RABGAP1L: variants seen among roughly 807,000 people sequenced by gnomAD.
RABGAP1L encodes rab GTPase-activating protein 1-like.
A neutral mutation model predicts 137.7 loss-of-function variants in RABGAP1L; 63 were observed. The observed-to-expected ratio is 0.46, with a 90% CI of 0.37 to 0.56. The LOEUF is 0.56. Among genes scored for constraint, RABGAP1L ranks in the 20% least tolerant of loss-of-function variants. The probability of loss-of-function intolerance (pLI) is 0.00; values close to 1 mark genes in which losing one functional copy is unlikely to be tolerated. For synonymous variants in RABGAP1L, 431 were observed against 433.7 expected (o/e 0.99, Z 0.08); for missense variants, 1,095 against 1,244.0 (o/e 0.88, Z 1.80).
intron 12 of RABGAP1L, among the ~76,000 whole-genome samples, chr1:174,390,556 A>G (rs1558193798): frequency 6.6e-6 from 1 of 152,216 alleles, no homozygotes; most frequent in Non-Finnish European, 1.5e-5. Flanking sequence ...CGAGTATTTA[A>G]TCAAGCTGCT....
At chr1:174,877,330 C>CA in intron 19 of RABGAP1L, 1 of 1,350,852 alleles carries the variant, frequency 7.4e-7, no homozygotes, top group Non-Finnish European at 1.0e-6. Context: ...ATAGCAGCCG[C>CA]TTTTTTTTTC....
intron 13 of RABGAP1L, among the ~76,000 whole-genome samples, chr1:174,524,870 A>AT (rs1335817893): frequency 6.7e-6 from 1 of 149,020 alleles, no homozygotes; most frequent in African/African-American, 2.5e-5. Context: ...TGGATATCCG[A>AT]TTTTCCCAGC....
chr1:174,768,811 T>A (rs184165273), intron 18 of RABGAP1L, among the ~76,000 whole-genome samples: 1 of 152,320 alleles, frequency 6.6e-6, no homozygotes, highest in African/African-American at 2.4e-5. Flanking sequence ...CCTTAATCTC[T>A]CACTCTGCCT....
intron 1 of RABGAP1L, among the ~76,000 whole-genome samples, chr1:174,192,620 C>T (rs1246001900): frequency 6.6e-6 from 1 of 152,120 alleles, no homozygotes; most frequent in African/African-American, 2.4e-5. Flanking sequence ...CTGCACCCAG[C>T]CTCTGATTTC....
At chr1:174,427,955 A>G (rs756057477) in intron 13 of RABGAP1L, among the ~76,000 whole-genome samples, 4 of 152,196 alleles carry the variant, frequency 2.6e-5, no homozygotes, top group African/African-American at 9.6e-5. Context: ...TGGTTAGTCA[A>G]TGGAATTGCT....
At chr1:174,216,047 A>G (rs1175327136) in intron 1 of RABGAP1L, among the ~76,000 whole-genome samples, 5 of 152,230 alleles carry the variant, frequency 3.3e-5, no homozygotes, top group African/African-American at 9.6e-5. Flanking sequence ...ACAGAAAGAC[A>G]AAGTTCACAC....
chr1:174,648,050 T>C (rs1478757890), intron 14 of RABGAP1L, among the ~76,000 whole-genome samples: 1 of 152,126 alleles, frequency 6.6e-6, no homozygotes, highest in African/African-American at 2.4e-5. Flanking sequence ...AGTGGTGATA[T>C]CCCCTTTATC....
At chr1:174,459,291 G>A (rs56314720) in intron 13 of RABGAP1L, among the ~76,000 whole-genome samples, 1,867 of 152,074 alleles carry the variant, frequency 0.012, 48 homozygotes, top group African/African-American at 0.043. Flanking sequence ...ATAATCCATT[G>A]GGAAGTTTTG....
At chr1:174,956,173 G>T (rs1026670095) in intron 19 of RABGAP1L, among the ~76,000 whole-genome samples, 1 of 152,060 alleles carries the variant, frequency 6.6e-6, no homozygotes, top group African/African-American at 2.4e-5. Flanking sequence ...CTATTTTATA[G>T]ATGAAGAAAC....
intron 11 of RABGAP1L, among the ~76,000 whole-genome samples, chr1:174,319,337 A>G (rs1157838255): frequency 6.6e-6 from 1 of 152,066 alleles, no homozygotes; most frequent in Non-Finnish European, 1.5e-5. Context: ...TCAATGGCTT[A>G]TTTGTGGTAT....
intron 13 of RABGAP1L, among the ~76,000 whole-genome samples, chr1:174,458,671 A>C (rs1656317653): frequency 1.3e-5 from 2 of 152,114 alleles, no homozygotes; most frequent in African/African-American, 4.8e-5. Context: ...ACTCAGGTAA[A>C]GTTCTTTGCA....
intron 13 of RABGAP1L, among the ~76,000 whole-genome samples, chr1:174,538,650 A>G (rs1379804715): frequency 1.3e-5 from 2 of 152,166 alleles, no homozygotes; most frequent in Admixed American, 1.3e-4. Flanking sequence ...ACTGTGCACT[A>G]TAAAATTGTT....
Position 174,328,011 on chromosome 1 carries a change from A to G in RABGAP1L, c.1465+22884A>G, listed in dbSNP as rs187058050. The stretch of plus-strand genomic sequence containing the variant: ...CATATATATATATATATATATATAT[A>G]TATATATATATATACCCAACATCAG... On this transcript the variant is annotated intron_variant, in intron 11 of 25. Transcript: ENST00000681986. Among the ~76,000 whole-genome samples, 294 of 134,720 alleles carry G rather than the reference A, an allele frequency of 2.2e-3. 7 individuals carry two copies. The highest frequency in any genetic ancestry group is 8.1e-3 in the African/African-American group (268 of 33,186). 88.4% of individuals were successfully genotyped at this position (134,720 alleles called of 152,430 possible). A position where few individuals can be genotyped will look rare whatever the true frequency, so the allele number is the denominator to read the frequency against.
rs148388026 is a variant in RABGAP1L at position 174,269,632 on chromosome 1, A to G, written c.987-2782A>G. ...ATCTATTATTATGATAATAATTGATATAATAGCATCATCAGCTCATTCTCA... is the reference window on the plus strand; with the variant it reads ...ATCTATTATTATGATAATAATTGATGTAATAGCATCATCAGCTCATTCTCA... On this transcript the variant is annotated intron_variant, in intron 7 of 25. Coordinates refer to ENST00000681986, the MANE Select transcript of RABGAP1L (RefSeq NM_001366446.1). Among the ~76,000 whole-genome samples, 331 of 152,368 alleles carry G rather than the reference A, an allele frequency of 2.2e-3. 4 individuals are homozygous for G. Among genetic ancestry groups the G allele is most frequent in the African/African-American group, 7.5e-3 (310 of 41,588 alleles).
intron 3 of RABGAP1L, among the ~76,000 whole-genome samples, chr1:174,230,565 A>G (rs972109615): frequency 6.6e-6 from 1 of 152,304 alleles, no homozygotes; most frequent in African/African-American, 2.4e-5. Context: ...GGGAGGATAC[A>G]TATCTTAAAT....
intron 19 of RABGAP1L, chr1:174,893,087 G>A: frequency 2.8e-6 from 1 of 360,824 alleles, no homozygotes; most frequent in Non-Finnish European, 5.7e-6. Flanking sequence ...ATTTTGTATT[G>A]GAAAGTGATT....
intron 20 of RABGAP1L, among the ~76,000 whole-genome samples, chr1:174,962,215 A>ACG (rs1296591732): frequency 8.5e-6 from 1 of 117,526 alleles, no homozygotes; most frequent in Non-Finnish European, 1.7e-5. Context: ...CCACACACAC[A>ACG]CACAGCTAGT....
rs146451335 is a variant in RABGAP1L at position 174,441,503 on chromosome 1, G to C, written c.1710+47358G>C. ...TAATCCCAGCACTTTGGGAGGCTGA[G>C]GGGGGTGGATTACTTGAAGTCAGGA... On this transcript the variant is annotated intron_variant, in intron 13 of 25. Transcript: ENST00000681986. Among the ~76,000 whole-genome samples the C allele has an allele frequency of 8.8e-3, 1,338 of 152,228 alleles. 5 individuals are homozygous for C. Among genetic ancestry groups the C allele is most frequent in the Non-Finnish European group, 0.014 (966 of 67,998 alleles).
chr1:174,744,574 A>G (rs1683719885), intron 17 of RABGAP1L, among the ~76,000 whole-genome samples: 1 of 152,242 alleles, frequency 6.6e-6, no homozygotes. Flanking sequence ...GATAGAATGC[A>G]CTGAGAAGGG....
Sources: gnomAD v4.1 joint callset for allele counts (sites outside exome capture counted in the v4.1 genomes callset) on GRCh38, gnomAD v4.1.1 for gene constraint, MANE v1.5 for transcripts, NCBI Gene and HGNC (gene_info 2026-07-23, HGNC 2026-07-21) for gene names.